NRXN1: variants seen among roughly 807,000 people sequenced by gnomAD.
NRXN1 encodes neurexin-1.
Under a neutral mutation model 150.9 loss-of-function variants are expected in NRXN1, and 39 were observed. The ratio of observed to expected loss-of-function variants is 0.26; its 90% CI spans 0.20 to 0.34. NRXN1 has a LOEUF of 0.34. Among genes scored for constraint, NRXN1 ranks in the 10% least tolerant of loss-of-function variants. The probability of loss-of-function intolerance (pLI) is 1.00; values close to 1 mark genes in which losing one functional copy is unlikely to be tolerated. For synonymous variants in NRXN1, 924 were observed against 757.0 expected (o/e 1.22, Z -3.62); for missense variants, 1,815 against 1,949.9 (o/e 0.93, Z 1.30).
rs28645982 is a variant in NRXN1 at position 50,551,038 on chromosome 2, G to A, written c.1759+1549C>T. ...AGGAAGAGGAAGAGGAAGAGGAAGA[G>A]GAAGAGGAAGAGGAAGAAGAAGAAG... On this transcript the variant is annotated intron_variant, in intron 9 of 22. Coordinates refer to ENST00000401669, the MANE Select transcript of NRXN1 (RefSeq NM_001330078.2). 1.3e-4 allele frequency among the ~76,000 whole-genome samples: 11 copies of A among 85,546 alleles called. No homozygotes were observed. In the East Asian group the frequency reaches 2.3e-3, roughly 18 times the overall value. The allele number at this position is 85,546 out of a possible 152,430, so 56.1% of individuals were successfully genotyped here. A position where few individuals can be genotyped will look rare whatever the true frequency, so the allele number is the denominator to read the frequency against.
chr2:50,254,236 T>C (rs1056136255), intron 17 of NRXN1, among the ~76,000 whole-genome samples: 4 of 151,970 alleles, frequency 2.6e-5, no homozygotes, highest in African/African-American at 9.7e-5. Flanking sequence ...TGGTTGGTTG[T>C]ATTTCTGTGG....
chr2:50,554,050 G>T (rs1014221561), intron 8 of NRXN1, among the ~76,000 whole-genome samples: 4 of 152,046 alleles, frequency 2.6e-5, no homozygotes, highest in African/African-American at 9.7e-5. Context: ...TAGTTATCTA[G>T]GTCCACATAG....
chr2:50,502,724 C>A (rs1188665296), intron 13 of NRXN1, among the ~76,000 whole-genome samples: 1 of 152,132 alleles, frequency 6.6e-6, no homozygotes, highest in Non-Finnish European at 1.5e-5. Context: ...TGTAAACTCA[C>A]ACTTTATAAA....
intron 5 of NRXN1, among the ~76,000 whole-genome samples, chr2:50,640,892 T>C (rs1260735831): frequency 6.6e-6 from 1 of 152,154 alleles, no homozygotes; most frequent in Non-Finnish European, 1.5e-5. Context: ...AAGGCAACTG[T>C]CGATATTATA....
intron 2 of NRXN1, chr2:51,009,318 T>G (rs1374643167): frequency 3.3e-5 from 5 of 151,976 alleles, no homozygotes; most frequent in Non-Finnish European, 7.4e-5. Context: ...CATTTTGGGT[T>G]AGATATGAAA....
At chr2:50,488,898 A>T (rs79521624) in intron 15 of NRXN1, among the ~76,000 whole-genome samples, 1 of 152,210 alleles carries the variant, frequency 6.6e-6, no homozygotes, top group African/African-American at 2.4e-5. Context: ...CATTCCCTAA[A>T]GAGGGACCTG....
At chr2:50,296,809 G>C (rs1231645256) in intron 17 of NRXN1, among the ~76,000 whole-genome samples, 1 of 151,272 alleles carries the variant, frequency 6.6e-6, no homozygotes, top group Non-Finnish European at 1.5e-5. Flanking sequence ...TGAATTTTCT[G>C]TTTCTGAGTT....
intron 2 of NRXN1, among the ~76,000 whole-genome samples, chr2:51,019,986 T>C (rs1202178531): frequency 6.6e-6 from 1 of 152,008 alleles, no homozygotes; most frequent in Non-Finnish European, 1.5e-5. Context: ...AAGGATTACT[T>C]TGTAACTAAG....
At chr2:50,773,017 T>C (rs1703193058) in intron 5 of NRXN1, among the ~76,000 whole-genome samples, 1 of 152,064 alleles carries the variant, frequency 6.6e-6, no homozygotes, top group Non-Finnish European at 1.5e-5. Flanking sequence ...CTGTGCTTGG[T>C]TCTTGCTAAA....
intron 5 of NRXN1, among the ~76,000 whole-genome samples, chr2:50,643,774 T>C (rs1684402390): frequency 6.6e-6 from 1 of 151,900 alleles, no homozygotes; most frequent in Non-Finnish European, 1.5e-5. Flanking sequence ...GTGCCAGAAC[T>C]AGACTGTTTT....
intron 18 of NRXN1, among the ~76,000 whole-genome samples, chr2:50,140,075 T>A (rs939227560): frequency 5.9e-5 from 9 of 152,164 alleles, no homozygotes; most frequent in African/African-American, 2.2e-4. Flanking sequence ...CAAGAATTGT[T>A]TATCCTGGAA....
chr2:50,078,300 AT>A (rs1414852041), intron 19 of NRXN1, among the ~76,000 whole-genome samples: 1 of 151,668 alleles, frequency 6.6e-6, no homozygotes, highest in Non-Finnish European at 1.5e-5. Context: ...ATGTTTAATT[AT>A]TTTTTTCTGA....
At chr2:50,897,457 T>C (rs1682171967) in intron 5 of NRXN1, among the ~76,000 whole-genome samples, 1 of 152,200 alleles carries the variant, frequency 6.6e-6, no homozygotes, top group African/African-American at 2.4e-5. Flanking sequence ...GTGCAAGGGA[T>C]TATTTTAGGT....
intron 5 of NRXN1, among the ~76,000 whole-genome samples, chr2:50,795,409 T>C (rs996651290): frequency 1.3e-5 from 2 of 152,150 alleles, no homozygotes; most frequent in African/African-American, 4.8e-5. Flanking sequence ...TACTTTTATG[T>C]TATCAACCTC....
chr2:50,794,866 G>A (rs1312189145), intron 5 of NRXN1, among the ~76,000 whole-genome samples: 4 of 151,960 alleles, frequency 2.6e-5, no homozygotes, highest in Non-Finnish European at 4.4e-5. Context: ...CAATATTATG[G>A]CTGAAAACAT....
intron 5 of NRXN1, among the ~76,000 whole-genome samples, chr2:50,901,060 C>G (rs534140019): frequency 6.6e-6 from 1 of 152,128 alleles, no homozygotes. Flanking sequence ...GAAGGTATCA[C>G]TATCTGACAC....
chr2:50,696,285 A>G (rs1331202123), intron 5 of NRXN1: 1 of 152,548 alleles, frequency 6.6e-6, no homozygotes, highest in Non-Finnish European at 1.5e-5. Context: ...AAAATGTTCT[A>G]TACATATGAA....
chr2:50,747,326 A>C (rs1700135538), intron 5 of NRXN1, among the ~76,000 whole-genome samples: 1 of 152,088 alleles, frequency 6.6e-6, no homozygotes, highest in Non-Finnish European at 1.5e-5. Context: ...AGATCAGACA[A>C]ATGGGAGGTC....
intron 17 of NRXN1, among the ~76,000 whole-genome samples, chr2:50,460,184 C>A (rs972234021): frequency 3.9e-5 from 6 of 152,028 alleles, no homozygotes; most frequent in Admixed American, 6.6e-5. Flanking sequence ...TCCATATTTA[C>A]CTATAAGATC....
Sources: allele counts gnomAD v4.1 joint callset (sites outside exome capture counted in the v4.1 genomes callset), GRCh38; gene constraint gnomAD v4.1.1; transcripts MANE v1.5; gene names NCBI Gene and HGNC (gene_info 2026-07-23, HGNC 2026-07-21).